The following IL16 variants were observed in gnomAD, a reference collection of about 807,000 sequenced individuals.
IL16 encodes the protein pro-interleukin-16.
A neutral mutation model predicts 110.1 loss-of-function variants in IL16; 67 were observed. The ratio of observed to expected loss-of-function variants is 0.61; its 90% CI spans 0.50 to 0.75. IL16 has a LOEUF of 0.75. Ranked by LOEUF, IL16 falls within the 30% of genes least tolerant of loss-of-function variation. IL16 has a pLI of 0.00. For synonymous variants in IL16, 689 were observed against 662.9 expected (o/e 1.04, Z -0.61); for missense variants, 1,545 against 1,655.0 (o/e 0.93, Z 1.15).
chr15:81,259,697 G>A lies in IL16; in HGVS notation c.313-75G>A, dbSNP rs2142186042. On this transcript the variant is annotated intron_variant, in intron 2 of 18. Coordinates refer to ENST00000683961, the MANE Select transcript of IL16 (RefSeq NM_172217.5). The stretch of plus-strand genomic sequence containing the variant: ...TAATCTGAGTACTTCTATGGTCAGT[G>A]TCAAAATCCAATTTTGCTAAGCACA... 4.3e-6 allele frequency: 4 copies of A among 921,626 alleles called. No individual in the cohort carries two copies. In the Middle Eastern group the frequency reaches 6.5e-4, roughly 149 times the overall value. The allele number at this position is 921,626 out of a possible 1,614,324, so 57.1% of individuals were successfully genotyped here.
chr15:81,263,175 T>C (rs1044661193), intron 3 of IL16, among the ~76,000 whole-genome samples: 2 of 152,160 alleles, frequency 1.3e-5, no homozygotes, highest in African/African-American at 4.8e-5. Context: ...ATTTTCCAAA[T>C]TGTCCCCCTC....
intron 1 of IL16, among the ~76,000 whole-genome samples, chr15:81,204,826 G>A (rs1031561191): frequency 1.3e-5 from 2 of 152,050 alleles, no homozygotes; most frequent in Non-Finnish European, 2.9e-5. Context: ...GCTAGAGAGC[G>A]CATGGGACAT....
chr15:81,290,424 T>C (rs1311683099), intron 10 of IL16, 29 bp from the exon 11 acceptor site: 3 of 1,551,794 alleles, frequency 1.9e-6, no homozygotes, highest in Non-Finnish European at 2.7e-6. Flanking sequence ...TTCTACTGTT[T>C]GTTTGAGGAG....
chr15:81,203,611 T>A (rs1228321066), intron 1 of IL16, among the ~76,000 whole-genome samples: 1 of 152,120 alleles, frequency 6.6e-6, no homozygotes, highest in East Asian at 1.9e-4. Flanking sequence ...TTGTCAGGTT[T>A]GTCAAAGATC....
chr15:81,285,838 C>T lies in IL16; in HGVS notation c.1332+8C>T, dbSNP rs1319364021. The T allele has an allele frequency of 1.2e-6, 2 of 1,613,936 alleles. No individual in the cohort carries two copies. Among genetic ancestry groups the T allele is most frequent in the East Asian group, 4.5e-5 (2 of 44,884 alleles). The stretch of plus-strand genomic sequence containing the variant: ...CGACATCCAGACCCACAGGTAACAC[C>T]CACTGGGTTATCCTCTTCTTCTCAG... On this transcript the variant is annotated splice_region_variant and intron_variant, in intron 10 of 18. Transcript: ENST00000683961.
At chr15:81,207,297 A>G (rs772949205) in intron 1 of IL16, among the ~76,000 whole-genome samples, 7 of 152,052 alleles carry the variant, frequency 4.6e-5, no homozygotes, top group Non-Finnish European at 7.4e-5. Context: ...TTTACATCCA[A>G]TATTTCAATT....
At chr15:81,199,373 T>G (rs1052131423) in intron 1 of IL16, among the ~76,000 whole-genome samples, 4 of 152,116 alleles carry the variant, frequency 2.6e-5, no homozygotes. Flanking sequence ...GAAGTCTCAG[T>G]GGATGTCTCA....
chr15:81,283,620 G>A (rs554562248), intron 9 of IL16, among the ~76,000 whole-genome samples: 3 of 152,292 alleles, frequency 2.0e-5, no homozygotes, highest in South Asian at 2.1e-4. Context: ...CTTTAATTAA[G>A]ATTTAACTAA....
At chr15:81,197,957 C>T (rs1042877576) in intron 1 of IL16, among the ~76,000 whole-genome samples, 1 of 152,040 alleles carries the variant, frequency 6.6e-6, no homozygotes, top group Non-Finnish European at 1.5e-5. Flanking sequence ...TGGGAGCTGC[C>T]GTCTCTGTGG....
chr15:81,225,959 C>G (rs1473976290), intron 2 of IL16, among the ~76,000 whole-genome samples: 1 of 152,120 alleles, frequency 6.6e-6, no homozygotes, highest in South Asian at 2.1e-4. Flanking sequence ...GTAAACTGAG[C>G]CTAGATCCCT....
chr15:81,219,531 G>A (rs1423879358), intron 1 of IL16, among the ~76,000 whole-genome samples: 1 of 152,088 alleles, frequency 6.6e-6, no homozygotes, highest in Non-Finnish European at 1.5e-5. Flanking sequence ...ATCTTGTTGA[G>A]GCCCACCTGA....
intron 6 of IL16, among the ~76,000 whole-genome samples, chr15:81,275,267 C>A (rs529356819): frequency 6.7e-6 from 1 of 150,026 alleles, no homozygotes; most frequent in South Asian, 2.1e-4. Context: ...TCCGTTCTCT[C>A]TCCGTTCAGG....
chr15:81,275,702 G>A (rs1898879869), intron 6 of IL16, among the ~76,000 whole-genome samples: 1 of 152,244 alleles, frequency 6.6e-6, no homozygotes, highest in Middle Eastern at 3.4e-3. Flanking sequence ...ATTTCAATGA[G>A]TCAAGACTCT....
chr15:81,283,253 C>CT (rs1290639382), intron 9 of IL16, among the ~76,000 whole-genome samples: 2 of 152,102 alleles, frequency 1.3e-5, no homozygotes. Context: ...GGCAGAGAAG[C>CT]TGGAGGGGAT....
At chr15:81,183,462 A>C (rs1457883901) in intron 1 of IL16, among the ~76,000 whole-genome samples, 3 of 152,216 alleles carry the variant, frequency 2.0e-5, no homozygotes, top group Non-Finnish European at 4.4e-5. Context: ...ATTTCTTATT[A>C]AAATCTTCTT....
intron 1 of IL16, among the ~76,000 whole-genome samples, chr15:81,203,059 A>G (rs961271384): frequency 6.6e-6 from 1 of 151,884 alleles, no homozygotes; most frequent in Non-Finnish European, 1.5e-5. Context: ...TTTGATTTGC[A>G]TTTCTCTGAT....
intron 1 of IL16, 40 bp downstream of exon 1, chr15:81,197,192 G>T: frequency 8.0e-7 from 1 of 1,256,996 alleles, no homozygotes; most frequent in Non-Finnish European, 1.0e-6. Context: ...TGTCCAGGTG[G>T]CCGTTACCGG....
intron 9 of IL16, among the ~76,000 whole-genome samples, chr15:81,284,013 AAAAAAAAAAAGAG>A (rs1323526085): frequency 6.8e-6 from 1 of 146,934 alleles, no homozygotes; most frequent in Non-Finnish European, 1.5e-5. Context: ...AGAAAAAAAA[AAAAAAAAAAAGAG>A]AGAGAGAAGA....
At chr15:81,280,051 G>GAA (rs1168043088) in intron 8 of IL16, among the ~76,000 whole-genome samples, 1 of 152,192 alleles carries the variant, frequency 6.6e-6, no homozygotes, top group African/African-American at 2.4e-5. Context: ...GAGAGAGAGA[G>GAA]AAACAATGGG....
Sources: allele counts gnomAD v4.1 joint callset (sites outside exome capture counted in the v4.1 genomes callset), GRCh38; gene constraint gnomAD v4.1.1; transcripts MANE v1.5; gene names NCBI Gene and HGNC (gene_info 2026-07-23, HGNC 2026-07-21).